Variants in ABHD17C observed in about 807,000 individuals in gnomAD.
The protein encoded by ABHD17C is abhydrolase domain containing 17C, depalmitoylase.
A neutral mutation model predicts 27.9 loss-of-function variants in ABHD17C; 11 were observed. That is an observed-to-expected ratio of 0.39 (90% CI 0.25 to 0.65). The LOEUF is 0.65. ABHD17C is among the 30% of genes least tolerant of loss of function. ABHD17C has a pLI of 0.45. For missense variants in ABHD17C, 280 were observed against 470.2 expected (o/e 0.60, Z 3.74); for synonymous variants, 233 against 209.1 (o/e 1.11, Z -0.98).
At chr15:80,704,272 C>A (rs576776437) in intron 1 of ABHD17C, among the ~76,000 whole-genome samples, 1 of 152,126 alleles carries the variant, frequency 6.6e-6, no homozygotes, top group Admixed American at 6.5e-5. Context: ...GGGGTTGGCT[C>A]CTCTCATCTC....
Position 80,754,175 on chromosome 15 carries a change from C to A in ABHD17C, c.795C>A (p.Thr265=). ...GCATTGACAAGATATCTAAAGTCAC[C>A]TCTCCTGTGTTGGTCATTCATGGTA... is the stretch of plus-strand genomic sequence containing the variant. ...FPSIDKISKV[T]SPVLVIHGTE... is the part of the protein sequence containing the mutation. Residue 265 remains threonine, a synonymous_variant, in exon 3 of 3, where the codon ACC becomes ACA. Transcript: ENST00000258884. 6.2e-7 allele frequency: 1 copy of A among 1,613,828 alleles called. No homozygotes were observed. The highest frequency in any genetic ancestry group is 1.1e-5 in the South Asian group (1 of 91,070).
At chr15:80,731,759 C>T (rs767043135) in intron 1 of ABHD17C, among the ~76,000 whole-genome samples, 2 of 151,786 alleles carry the variant, frequency 1.3e-5, no homozygotes, top group Non-Finnish European at 1.5e-5. Context: ...AATAAAATCT[C>T]ATTTAGAATT....
chr15:80,752,586 C>CA (rs1427874397), intron 2 of ABHD17C, among the ~76,000 whole-genome samples: 1 of 152,194 alleles, frequency 6.6e-6, no homozygotes, highest in Non-Finnish European at 1.5e-5. Context: ...GGGTTAAGTG[C>CA]AAAGCACCCG....
At chr15:80,748,465 G>A (rs1170735284) in intron 1 of ABHD17C, among the ~76,000 whole-genome samples, 1 of 151,956 alleles carries the variant, frequency 6.6e-6, no homozygotes, top group Admixed American at 6.5e-5. Flanking sequence ...TTTGCCTATC[G>A]TTTGGGTATA....
chr15:80,721,794 C>T (rs924676152), intron 1 of ABHD17C, among the ~76,000 whole-genome samples: 16 of 152,112 alleles, frequency 1.1e-4, no homozygotes, highest in African/African-American at 3.9e-4. Context: ...TTCAGACACA[C>T]GCAGCCAGTA....
intron 1 of ABHD17C, among the ~76,000 whole-genome samples, chr15:80,726,290 C>G (rs940793729): frequency 6.6e-6 from 1 of 152,188 alleles, no homozygotes; most frequent in Non-Finnish European, 1.5e-5. Flanking sequence ...GTTAGGGCCA[C>G]CATGAACATG....
intron 1 of ABHD17C, among the ~76,000 whole-genome samples, chr15:80,748,915 C>A (rs1488982028): frequency 1.3e-5 from 2 of 151,730 alleles, no homozygotes; most frequent in Non-Finnish European, 2.9e-5. Flanking sequence ...TTCCACACAG[C>A]CCTTTACTTA....
chr15:80,724,563 A>C (rs1324430012), intron 1 of ABHD17C, among the ~76,000 whole-genome samples: 1 of 25,854 alleles, frequency 3.9e-5, no homozygotes, highest in African/African-American at 9.9e-5. Flanking sequence ...ATAAATTCTC[A>C]TAAGGAAAAA....
chr15:80,718,605 A>G (rs1894842347), intron 1 of ABHD17C, among the ~76,000 whole-genome samples: 1 of 152,184 alleles, frequency 6.6e-6, no homozygotes, highest in Admixed American at 6.5e-5. Context: ...AAGTGCTGGG[A>G]TTACAGGCAT....
chr15:80,705,994 TTC>T (rs901387389), intron 1 of ABHD17C, among the ~76,000 whole-genome samples: 1 of 152,216 alleles, frequency 6.6e-6, no homozygotes, highest in African/African-American at 2.4e-5. Flanking sequence ...AATCAGAGAC[TTC>T]TCTGAGCAGA....
chr15:80,713,287 G>A (rs534121141), intron 1 of ABHD17C, among the ~76,000 whole-genome samples: 1 of 141,518 alleles, frequency 7.1e-6, no homozygotes, highest in Admixed American at 7.3e-5. Context: ...TGAGAGTATA[G>A]TTAAGGGAGG....
At chr15:80,730,454 T>C (rs1192469625) in intron 1 of ABHD17C, among the ~76,000 whole-genome samples, 1 of 152,250 alleles carries the variant, frequency 6.6e-6, no homozygotes, top group Non-Finnish European at 1.5e-5. Context: ...TCTGAATTTT[T>C]TGCAATGACA....
intron 1 of ABHD17C, among the ~76,000 whole-genome samples, chr15:80,719,668 T>C (rs546630053): frequency 2.7e-4 from 41 of 152,398 alleles, no homozygotes; most frequent in Middle Eastern, 3.4e-3. Flanking sequence ...GATCATGTTT[T>C]GTAGATCTTT....
At position 80,695,539 on chromosome 15, in the gene ABHD17C, C is replaced by A; in HGVS notation, c.110C>A (p.Pro37Gln). 1 of 1,359,742 alleles carries A rather than the reference C, an allele frequency of 7.4e-7. No homozygotes were observed. Among genetic ancestry groups the A allele is most frequent in the Non-Finnish European group, 9.6e-7 (1 of 1,042,682 alleles). 84.2% of individuals were successfully genotyped at this position (1,359,742 alleles called of 1,614,324 possible). A position where few individuals can be genotyped will look rare whatever the true frequency, so the allele number is the denominator to read the frequency against. ...SRIAAKLAFL[P>Q]PEPTYTVLAP... is the part of the protein sequence containing the mutation. ...ATCGCCGCCAAGCTGGCCTTCCTGCCGCCCGAGCCCACCTACACGGTGCTG... is the reference window on the plus strand; with the variant it reads ...ATCGCCGCCAAGCTGGCCTTCCTGCAGCCCGAGCCCACCTACACGGTGCTG... The change falls in exon 1 of 3, where the codon CCG becomes CAG. Residue 37 changes from proline to glutamine, a missense_variant. Coordinates refer to ENST00000258884, the MANE Select transcript of ABHD17C (RefSeq NM_021214.2). This position sits in a 1 kb window ranked among gnomAD's most constrained non-coding sequence, Gnocchi z 4.3.
At chr15:80,735,730 C>A (rs1895121528) in intron 1 of ABHD17C, among the ~76,000 whole-genome samples, 1 of 152,186 alleles carries the variant, frequency 6.6e-6, no homozygotes, top group Non-Finnish European at 1.5e-5. Context: ...GAAGCTTTTT[C>A]CGACTTTCAG....
chr15:80,699,430 G>C (rs1028844464), intron 1 of ABHD17C, among the ~76,000 whole-genome samples: 1 of 151,792 alleles, frequency 6.6e-6, no homozygotes, highest in Non-Finnish European at 1.5e-5. Flanking sequence ...AAAAAAAAAA[G>C]GGCCAGATGT....
intron 1 of ABHD17C, among the ~76,000 whole-genome samples, chr15:80,714,727 A>G (rs1894779965): frequency 6.6e-6 from 1 of 152,234 alleles, no homozygotes; most frequent in African/African-American, 2.4e-5. Context: ...ACACACAGAC[A>G]CGCACAAATC....
intron 1 of ABHD17C, among the ~76,000 whole-genome samples, chr15:80,747,568 C>T (rs576863632): frequency 6.6e-6 from 1 of 152,260 alleles, no homozygotes; most frequent in Admixed American, 6.5e-5. Flanking sequence ...GATTTGGGCA[C>T]AGGATGCTGC....
chr15:80,706,813 A>G (rs1038281631), intron 1 of ABHD17C, among the ~76,000 whole-genome samples: 2 of 152,124 alleles, frequency 1.3e-5, no homozygotes, highest in African/African-American at 2.4e-5. Flanking sequence ...ATTTATCCCT[A>G]TTGTCATAAA....
Sources: gnomAD v4.1 joint callset for allele counts (sites outside exome capture counted in the v4.1 genomes callset) on GRCh38, gnomAD v4.1.1 for gene constraint, Gnocchi (gnomAD v3.1) non-coding constraint, MANE v1.5 for transcripts, NCBI Gene and HGNC (gene_info 2026-07-23, HGNC 2026-07-21) for gene names.